SCLT1: variants seen among roughly 807,000 people sequenced by gnomAD.
The protein encoded by SCLT1 is sodium channel-associated protein 1.
In SCLT1, 78 loss-of-function variants were observed where a neutral mutation model predicts 112.8. That is an observed-to-expected ratio of 0.69 (90% CI 0.58 to 0.83). SCLT1 has a LOEUF of 0.83. Among genes scored for constraint, SCLT1 ranks in the 40% least tolerant of loss-of-function variants. The pLI, the probability that SCLT1 is intolerant of heterozygous loss-of-function variation, is 0.00. For missense variants in SCLT1, 747 were observed against 770.4 expected (o/e 0.97, Z 0.36); for synonymous variants, 257 against 254.7 (o/e 1.01, Z -0.09).
chr4:128,883,808 A>G (rs1732708641), downstream of SCLT1, among the ~76,000 whole-genome samples: 3 of 152,238 alleles, frequency 2.0e-5, no homozygotes, highest in Admixed American at 2.0e-4. Flanking sequence ...ATGAAGATCA[A>G]TAGGACTTCA....
chr4:129,049,476 T>C (rs1748541075), intron 2 of SCLT1, among the ~76,000 whole-genome samples: 1 of 99,098 alleles, frequency 1.0e-5, no homozygotes, highest in Non-Finnish European at 1.9e-5. Flanking sequence ...CTGGGGACTG[T>C]TGTGGGGTGG....
chr4:129,007,916 G>A (rs944117017), intron 5 of SCLT1, among the ~76,000 whole-genome samples: 1 of 151,952 alleles, frequency 6.6e-6, no homozygotes, highest in African/African-American at 2.4e-5. Context: ...TTAGTTTACT[G>A]TAGTGCTCAG....
intron 5 of SCLT1, among the ~76,000 whole-genome samples, chr4:129,013,080 C>A (rs978347146): frequency 3.3e-5 from 5 of 152,036 alleles, no homozygotes; most frequent in African/African-American, 1.2e-4. Flanking sequence ...CATATTATTT[C>A]ATTACCCAGG....
intron 5 of SCLT1, chr4:129,037,571 A>G (rs913621184): frequency 6.6e-6 from 1 of 152,164 alleles, no homozygotes; most frequent in Admixed American, 6.5e-5. Context: ...GGATGGTGGT[A>G]GCACCAGGGA....
chr4:128,891,233 TATC>T, intron 18 of SCLT1, 96 bp from the exon 19 acceptor site: 1 of 900,302 alleles, frequency 1.1e-6, no homozygotes, highest in East Asian at 2.5e-5. Context: ...TGAACAAAAA[TATC>T]ATCTTGAGGT....
At chr4:128,966,455 G>C (rs1028739632) in intron 10 of SCLT1, among the ~76,000 whole-genome samples, 1 of 152,144 alleles carries the variant, frequency 6.6e-6, no homozygotes, top group Non-Finnish European at 1.5e-5. Flanking sequence ...TCCCAGTCCT[G>C]AGTGCCATTG....
chr4:129,066,262 G>T (rs981706352), intron 2 of SCLT1, among the ~76,000 whole-genome samples: 1 of 151,466 alleles, frequency 6.6e-6, no homozygotes, highest in African/African-American at 2.4e-5. Flanking sequence ...ATGACCAAAG[G>T]GTATTATTAG....
chr4:128,998,518 A>G lies in SCLT1; in HGVS notation c.550-579T>C, dbSNP rs1189956002. On this transcript the variant is annotated intron_variant, in intron 7 of 20. Transcript: ENST00000281142. ...ACCAGGGAAAAAAGAATGAAGTGCT[A>G]TTTGTAAAGTCTTGTATAAGGACCC... Among the ~76,000 whole-genome samples the G allele has an allele frequency of 2.6e-5, 4 of 152,048 alleles. No individual in the cohort carries two copies. The South Asian group carries it at 6.2e-4, about 24-fold the overall frequency.
At chr4:128,937,354 G>A (rs948149287) in intron 17 of SCLT1, among the ~76,000 whole-genome samples, 2 of 151,884 alleles carry the variant, frequency 1.3e-5, no homozygotes, top group African/African-American at 4.8e-5. Flanking sequence ...AACTTATAAT[G>A]TTATGTCAGT....
At chr4:129,048,350 A>C (rs944708700) in intron 2 of SCLT1, among the ~76,000 whole-genome samples, 8 of 152,066 alleles carry the variant, frequency 5.3e-5, no homozygotes, top group South Asian at 2.1e-4. Flanking sequence ...CTGATCTTTG[A>C]CAAACCTGAG....
chr4:128,979,351 T>C (rs754873971), intron 9 of SCLT1, among the ~76,000 whole-genome samples: 7 of 152,060 alleles, frequency 4.6e-5, no homozygotes, highest in Non-Finnish European at 8.8e-5. Flanking sequence ...GGTGATTAGG[T>C]CATGATAGCA....
chr4:128,929,335 C>T (rs1430090601), intron 18 of SCLT1, among the ~76,000 whole-genome samples: 2 of 152,092 alleles, frequency 1.3e-5, no homozygotes, highest in African/African-American at 4.8e-5. Flanking sequence ...TATTTCACGT[C>T]CATAGATTGA....
intron 6 of SCLT1, among the ~76,000 whole-genome samples, chr4:129,002,375 C>A (rs1162184485): frequency 2.0e-5 from 3 of 151,696 alleles, no homozygotes; most frequent in Non-Finnish European, 4.4e-5. Flanking sequence ...AACATAGCTG[C>A]TCAAAGATTC....
At chr4:129,046,867 A>C (rs942205493) in intron 2 of SCLT1, among the ~76,000 whole-genome samples, 7 of 152,096 alleles carry the variant, frequency 4.6e-5, no homozygotes, top group African/African-American at 1.7e-4. Context: ...ATATAGTAGT[A>C]TTTCATTGTG....
chr4:128,905,870 C>G (rs1262822517), intron 18 of SCLT1, among the ~76,000 whole-genome samples: 5 of 151,746 alleles, frequency 3.3e-5, no homozygotes, highest in Non-Finnish European at 7.4e-5. Context: ...AGTAATGTAT[C>G]ACATGACTCC....
intron 8 of SCLT1, among the ~76,000 whole-genome samples, chr4:128,995,276 G>T (rs1319465992): frequency 1.3e-5 from 2 of 152,018 alleles, no homozygotes; most frequent in Non-Finnish European, 1.5e-5. Context: ...TTTTAATTCC[G>T]TTATTGTGTT....
intron 18 of SCLT1, among the ~76,000 whole-genome samples, chr4:128,917,844 A>G (rs1735587700): frequency 6.6e-6 from 1 of 152,094 alleles, no homozygotes; most frequent in South Asian, 2.1e-4. Context: ...TACCACTGAG[A>G]GAAAGGGGTG....
At chr4:128,994,913 A>G (rs1194163957) in intron 8 of SCLT1, among the ~76,000 whole-genome samples, 1 of 152,140 alleles carries the variant, frequency 6.6e-6, no homozygotes, top group African/African-American at 2.4e-5. Flanking sequence ...TTCCTTAAAT[A>G]CTTTGGAGAT....
At chr4:128,915,296 T>C (rs536507734) in intron 18 of SCLT1, among the ~76,000 whole-genome samples, 1 of 152,332 alleles carries the variant, frequency 6.6e-6, no homozygotes, top group South Asian at 2.1e-4. Context: ...GATTTCAGAA[T>C]AGGAGTTCAA....
Sources: gnomAD v4.1 joint callset for allele counts (sites outside exome capture counted in the v4.1 genomes callset) on GRCh38, gnomAD v4.1.1 for gene constraint, MANE v1.5 for transcripts, NCBI Gene and HGNC (gene_info 2026-07-23, HGNC 2026-07-21) for gene names.